The following SNX25 variants were observed in gnomAD, a reference collection of about 807,000 sequenced individuals.
SNX25 encodes sorting nexin-25.
A neutral mutation model predicts 113.7 loss-of-function variants in SNX25; 62 were observed. The observed-to-expected ratio is 0.55, with a 90% CI of 0.44 to 0.67. The LOEUF is 0.67. SNX25 is among the 30% of genes least tolerant of loss of function. The pLI, the probability that SNX25 is intolerant of heterozygous loss-of-function variation, is 0.00. For missense variants in SNX25, 1,014 were observed against 1,161.0 expected, an observed-to-expected ratio of 0.87 and a Z score of 1.84; for synonymous variants, 421 against 436.2, an observed-to-expected ratio of 0.97 and a Z score of 0.43.
chr4:185,362,774 G>A, intron 18 of SNX25, 63 bp downstream of exon 18: 1 of 1,232,674 alleles, frequency 8.1e-7, no homozygotes, highest in Non-Finnish European at 1.2e-6. Flanking sequence ...CGTTTGGTCA[G>A]AAAAAACATG....
intron 6 of SNX25, among the ~76,000 whole-genome samples, chr4:185,304,341 C>A (rs187722788): frequency 5.9e-5 from 9 of 152,178 alleles, no homozygotes; most frequent in Admixed American, 3.3e-4. Flanking sequence ...CATGCCACCA[C>A]GCCTGGCTAA....
intron 2 of SNX25, among the ~76,000 whole-genome samples, chr4:185,257,425 C>T (rs918541900): frequency 5.3e-5 from 8 of 152,028 alleles, no homozygotes; most frequent in South Asian, 2.1e-4. Context: ...CACTAGACAG[C>T]GGCTATAGAG....
chr4:185,332,130 A>G (rs984681102), intron 9 of SNX25, among the ~76,000 whole-genome samples: 1 of 152,262 alleles, frequency 6.6e-6, no homozygotes, highest in Non-Finnish European at 1.5e-5. Context: ...AGAAGGACTG[A>G]ACAAAGTATA....
At chr4:185,320,654 A>G in intron 7 of SNX25, 79 bp from the exon 8 acceptor site, 2 of 1,093,508 alleles carry the variant, frequency 1.8e-6, no homozygotes, top group Non-Finnish European at 2.5e-6. Flanking sequence ...TAAATGTAGA[A>G]ATCAGTCCAT....
intron 13 of SNX25, among the ~76,000 whole-genome samples, chr4:185,349,112 A>G (rs952725062): frequency 5.3e-5 from 8 of 152,160 alleles, no homozygotes; most frequent in African/African-American, 7.2e-5. Context: ...CTGGTCCACA[A>G]TGGAAGAAGA....
In SNX25 at chr4:185,357,697, A is replaced by G; in HGVS notation, c.2611A>G (p.Ile871Val). The G allele has an allele frequency of 6.2e-7, 1 of 1,614,114 alleles. No individual in the cohort carries two copies. The highest frequency in any genetic ancestry group is 1.3e-5 in the African/African-American group (1 of 75,020). Reference sequence around the variant, plus strand: ...GTTTAAATGGGTGAGAAGAACATTAATTGCCCTCGTTCAGGTCACTTTTGG... The same window carrying G: ...GTTTAAATGGGTGAGAAGAACATTAGTTGCCCTCGTTCAGGTCACTTTTGG... ...GMFKWVRRTL[I>V]ALVQVTFGRT... is the part of the protein sequence containing the mutation. Residue 871 changes from isoleucine (I) to valine (V), a missense_variant, in exon 16 of 19, where the codon ATT (isoleucine) becomes GTT (valine). Ile to Val is a conservative substitution (Grantham distance 29). Coordinates refer to ENST00000652585, the MANE Select transcript of SNX25 (RefSeq NM_001378034.2).
intron 9 of SNX25, among the ~76,000 whole-genome samples, chr4:185,327,038 C>T (rs1400652047): frequency 6.6e-6 from 1 of 152,190 alleles, no homozygotes; most frequent in African/African-American, 2.4e-5. Context: ...CAACTTAAAA[C>T]AATTCTTTAA....
At chr4:185,326,810 A>G (rs1313765241) in intron 9 of SNX25, among the ~76,000 whole-genome samples, 4 of 152,208 alleles carry the variant, frequency 2.6e-5, no homozygotes, top group African/African-American at 9.6e-5. Flanking sequence ...ATGTTTGACC[A>G]CAAGTTAAGA....
At chr4:185,221,245 C>G (rs1471093465) in intron 1 of SNX25, among the ~76,000 whole-genome samples, 1 of 152,086 alleles carries the variant, frequency 6.6e-6, no homozygotes, top group African/African-American at 2.4e-5. Context: ...GTTGCCCAGC[C>G]TGGTCTTGAA....
At chr4:185,322,917 A>G (rs1483251094) in intron 8 of SNX25, among the ~76,000 whole-genome samples, 3 of 152,328 alleles carry the variant, frequency 2.0e-5, no homozygotes, top group Non-Finnish European at 2.9e-5. Context: ...ACTGCGTAAC[A>G]TTTCTAGAGT....
chr4:185,220,775 C>T (rs951869322), intron 1 of SNX25, among the ~76,000 whole-genome samples: 13 of 152,134 alleles, frequency 8.5e-5, no homozygotes, highest in South Asian at 4.1e-4. Context: ...CCACTGCGCC[C>T]GGCCTAACTG....
intron 1 of SNX25, among the ~76,000 whole-genome samples, chr4:185,244,690 T>TA (rs1728483058): frequency 6.6e-6 from 1 of 152,224 alleles, no homozygotes; most frequent in African/African-American, 2.4e-5. Flanking sequence ...TTAAGATTTT[T>TA]AAAAAATTCC....
intron 13 of SNX25, among the ~76,000 whole-genome samples, chr4:185,347,991 A>G (rs1276027225): frequency 2.6e-5 from 4 of 152,230 alleles, no homozygotes; most frequent in South Asian, 2.1e-4. Context: ...CTTATGGTTA[A>G]TGCCTTTTGC....
downstream of SNX25, chr4:185,371,134 G>A (rs562339288): frequency 1.3e-4 from 29 of 223,518 alleles, 1 homozygote; most frequent in South Asian, 1.8e-3. Flanking sequence ...TAAACTGAAC[G>A]GAGAAGAAAG....
At chr4:185,301,968 C>T (rs2126644471) in intron 6 of SNX25, among the ~76,000 whole-genome samples, 1 of 148,824 alleles carries the variant, frequency 6.7e-6, no homozygotes, top group African/African-American at 2.5e-5. Flanking sequence ...GGTGTGATCT[C>T]AGCTCACTGC....
chr4:185,237,887 A>AC (rs1165314402), intron 1 of SNX25, among the ~76,000 whole-genome samples: 1 of 151,056 alleles, frequency 6.6e-6, no homozygotes, highest in Non-Finnish European at 1.5e-5. Context: ...ACATGGAGAA[A>AC]CCCCGTCTCT....
At chr4:185,320,435 A>G (rs2095110656) in intron 7 of SNX25, among the ~76,000 whole-genome samples, 1 of 152,044 alleles carries the variant, frequency 6.6e-6, no homozygotes, top group South Asian at 2.1e-4. Context: ...ATGAGAACAC[A>G]TGGACACAGG....
upstream of SNX25, among the ~76,000 whole-genome samples, chr4:185,204,828 G>T (rs1737116134): frequency 6.6e-6 from 1 of 152,224 alleles, no homozygotes; most frequent in Non-Finnish European, 1.5e-5. Context: ...AGCTGCAAAA[G>T]GAGGAAACGG....
chr4:185,344,080 G>A (rs4862520), intron 12 of SNX25, among the ~76,000 whole-genome samples: 1 of 152,084 alleles, frequency 6.6e-6, no homozygotes, highest in Admixed American at 6.5e-5. Context: ...AATTAGTTGG[G>A]TGTGGTGGTG....
Sources: allele counts gnomAD v4.1 joint callset (sites outside exome capture counted in the v4.1 genomes callset), GRCh38; gene constraint gnomAD v4.1.1; transcripts MANE v1.5; gene names NCBI Gene and HGNC (gene_info 2026-07-23, HGNC 2026-07-21).